Variants in NXN observed in about 807,000 individuals in gnomAD.
The protein encoded by NXN is nucleoredoxin.
In NXN, 16 loss-of-function variants were observed where a neutral mutation model predicts 48.6. That is an observed-to-expected ratio of 0.33 (90% CI 0.22 to 0.50). The LOEUF (loss-of-function observed/expected upper bound fraction) is 0.50. Among genes scored for constraint, NXN ranks in the 20% least tolerant of loss-of-function variants. NXN has a pLI of 0.98. For synonymous variants in NXN, 281 were observed against 269.6 expected (o/e 1.04, Z -0.41); for missense variants, 492 against 605.5 (o/e 0.81, Z 1.97).
intron 1 of NXN, among the ~76,000 whole-genome samples, chr17:842,141 C>T (rs548996558): frequency 1.3e-3 from 199 of 152,048 alleles, no homozygotes; most frequent in Non-Finnish European, 2.5e-3. Flanking sequence ...CTCTCAAAAA[C>T]AAAACAAAAA....
At chr17:964,738 A>C (rs2069281803) in intron 1 of NXN, among the ~76,000 whole-genome samples, 1 of 152,258 alleles carries the variant, frequency 6.6e-6, no homozygotes, top group African/African-American at 2.4e-5. Flanking sequence ...ATTTCAAAGT[A>C]AGGTAAAATT....
chr17:845,793 G>A (rs1184309460), intron 1 of NXN, among the ~76,000 whole-genome samples: 2 of 152,250 alleles, frequency 1.3e-5, no homozygotes, highest in African/African-American at 4.8e-5. Flanking sequence ...TACGCCGGGT[G>A]TGGCGGCTCA....
intron 1 of NXN, among the ~76,000 whole-genome samples, chr17:839,260 C>G (rs1326494616): frequency 6.6e-6 from 1 of 151,336 alleles, no homozygotes; most frequent in Non-Finnish European, 1.5e-5. Flanking sequence ...CATGGTGAAA[C>G]CCCATCTCTC....
chr17:855,746 G>A (rs544891585), intron 1 of NXN, among the ~76,000 whole-genome samples: 5 of 152,330 alleles, frequency 3.3e-5, no homozygotes, highest in African/African-American at 1.2e-4. Flanking sequence ...AAGCCTCTGA[G>A]TCTAAAGACT....
chr17:841,439 CA>C (rs1914216336), intron 1 of NXN, among the ~76,000 whole-genome samples: 1 of 126,760 alleles, frequency 7.9e-6, no homozygotes, highest in East Asian at 2.2e-4. Context: ...CACGGGCGAG[CA>C]GGTCCCCCTG....
chr17:819,431 G>A lies in NXN; in HGVS notation c.820+8C>T. On this transcript the variant is annotated splice_region_variant and intron_variant, in intron 5 of 7. Transcript: ENST00000336868. Reference sequence around the variant, plus strand: ...GAGCCACACGGAGCCGGGGCCTGGAGCGCCTACCTTGGATTCCGTACAGCC... The same window carrying A: ...GAGCCACACGGAGCCGGGGCCTGGAACGCCTACCTTGGATTCCGTACAGCC... The A allele has an allele frequency of 6.2e-7, 1 of 1,611,904 alleles. No homozygotes were observed. The highest frequency in any genetic ancestry group is 8.5e-7 in the Non-Finnish European group (1 of 1,178,000).
intron 1 of NXN, among the ~76,000 whole-genome samples, chr17:915,417 G>C (rs1190040150): frequency 6.6e-6 from 1 of 152,124 alleles, no homozygotes; most frequent in Non-Finnish European, 1.5e-5. Context: ...CCAAGTAGCT[G>C]GGACTACGGG....
chr17:834,878 A>G (rs1913704023), intron 1 of NXN, among the ~76,000 whole-genome samples: 1 of 146,146 alleles, frequency 6.8e-6, no homozygotes, highest in African/African-American at 2.5e-5. Context: ...CTGGTCTCAA[A>G]CTCCTGACCT....
Position 801,145 on chromosome 17 carries a change from G to A in NXN, c.1126-14C>T. ...AGTCATGTCATCCTGAAGCCGTCAGGAGGGAGAGAAAACCAAGAAGTTTTA... is the reference window on the plus strand; with the variant it reads ...AGTCATGTCATCCTGAAGCCGTCAGAAGGGAGAGAAAACCAAGAAGTTTTA... On this transcript the variant is annotated splice_polypyrimidine_tract_variant and intron_variant, in intron 7 of 7. Transcript: ENST00000336868. 6.6e-7 allele frequency: 1 copy of A among 1,509,896 alleles called. No individual in the cohort carries two copies. Among genetic ancestry groups the A allele is most frequent in the Non-Finnish European group, 8.9e-7 (1 of 1,126,814 alleles). The allele number at this position is 1,509,896 out of a possible 1,614,324, so 93.5% of individuals were successfully genotyped here.
chr17:882,591 A>G (rs939405478), intron 1 of NXN, among the ~76,000 whole-genome samples: 8 of 144,744 alleles, frequency 5.5e-5, no homozygotes, highest in Admixed American at 1.4e-4. Context: ...TCAGCCTCCC[A>G]TGTAACTGGG....
chr17:842,990 G>C (rs112467174), intron 1 of NXN, among the ~76,000 whole-genome samples: 6 of 106,638 alleles, frequency 5.6e-5, no homozygotes, highest in Admixed American at 3.7e-4. Flanking sequence ...GAGAGAAAGA[G>C]AGAAAGAGAG....
At chr17:806,025 G>A (rs62069996) in intron 5 of NXN, among the ~76,000 whole-genome samples, 25,272 of 151,878 alleles carry the variant, frequency 0.17, 2,512 homozygotes, top group East Asian at 0.44. Flanking sequence ...GTCCTCGCCC[G>A]GCCACAGTGA....
In NXN at chr17:835,180, T is replaced by A. The variant is rs186782388; in HGVS notation, c.361-9102A>T. ...AAAATTAGCCGGGTGTGGTGACGGG[T>A]GCCTGTACTCCCAGCTACTCGGGAG... On this transcript the variant is annotated intron_variant, in intron 1 of 7. Transcript: ENST00000336868. Among the ~76,000 whole-genome samples the A allele has an allele frequency of 4.6e-5, 7 of 150,874 alleles. No homozygotes were observed. In the East Asian group the frequency reaches 8.0e-4, roughly 17 times the overall value.
In NXN at chr17:978,303, T is replaced by C. The variant is rs886602743; in HGVS notation, c.360+1016A>G. ...CCAAAACTTTTTCTGACTCCATTCA[T>C]TACAAAATGTCCTGGATGTGCTTTA... On this transcript the variant is annotated intron_variant, in intron 1 of 7. Coordinates refer to ENST00000336868, the MANE Select transcript of NXN (RefSeq NM_022463.5). The surrounding 1 kb of genome is among the most constrained non-coding windows in gnomAD (Gnocchi z 4.1). 2 of 152,210 alleles carry C rather than the reference T, an allele frequency of 1.3e-5. No individual in the cohort carries two copies. The highest frequency in any genetic ancestry group is 1.3e-4 in the Admixed American group (2 of 15,284). The allele number at this position is 152,210 out of a possible 1,614,324, so 9.4% of individuals were successfully genotyped here.
intron 5 of NXN, among the ~76,000 whole-genome samples, chr17:807,342 C>T (rs963292802): frequency 2.0e-5 from 3 of 152,204 alleles, no homozygotes; most frequent in South Asian, 2.1e-4. Context: ...TGACAGGCCC[C>T]GCGGCCAGCC....
intron 1 of NXN, among the ~76,000 whole-genome samples, chr17:851,028 A>C (rs149937024): frequency 9.8e-5 from 15 of 152,338 alleles, no homozygotes; most frequent in African/African-American, 3.6e-4. Flanking sequence ...AGGCCTTCGG[A>C]ACAGAAACCA....
At chr17:976,788 C>CA (rs1470649551) in intron 1 of NXN, among the ~76,000 whole-genome samples, 1 of 144,218 alleles carries the variant, frequency 6.9e-6, no homozygotes, top group Non-Finnish European at 1.5e-5. Flanking sequence ...TTTTTTGAGA[C>CA]AGAGTTTCGC....
chr17:925,756 C>G (rs573109539), intron 1 of NXN, among the ~76,000 whole-genome samples: 1 of 152,316 alleles, frequency 6.6e-6, no homozygotes, highest in South Asian at 2.1e-4. Flanking sequence ...ATTCAACTTT[C>G]TCTAAAACCA....
rs2069166161 is a variant in NXN at position 956,085 on chromosome 17, T to C, written c.360+23234A>G. On this transcript the variant is annotated intron_variant, in intron 1 of 7. Coordinates refer to ENST00000336868, the MANE Select transcript of NXN (RefSeq NM_022463.5). This position sits in a 1 kb window ranked among gnomAD's most constrained non-coding sequence, Gnocchi z 4.1. ...AGGGTATCATTCAGTGACTGCATTGTTCAATATTTTGAAATAAGGGCATTT... is the reference window on the plus strand; with the variant it reads ...AGGGTATCATTCAGTGACTGCATTGCTCAATATTTTGAAATAAGGGCATTT... Among the ~76,000 whole-genome samples, 1 of 152,130 alleles carries C rather than the reference T, an allele frequency of 6.6e-6. No individual in the cohort carries two copies. Among genetic ancestry groups the C allele is most frequent in the South Asian group, 2.1e-4 (1 of 4,824 alleles).
Sources: gnomAD v4.1 joint callset for allele counts (sites outside exome capture counted in the v4.1 genomes callset) on GRCh38, gnomAD v4.1.1 for gene constraint, Gnocchi (gnomAD v3.1) non-coding constraint, MANE v1.5 for transcripts, NCBI Gene and HGNC (gene_info 2026-07-23, HGNC 2026-07-21) for gene names.